The following PRDM16 variants were observed in gnomAD, a reference collection of about 807,000 sequenced individuals.
PRDM16 encodes PR/SET domain 16, also known as histone-lysine N-methyltransferase PRDM16.
A neutral mutation model predicts 110.6 loss-of-function variants in PRDM16; 23 were observed. The ratio of observed to expected loss-of-function variants is 0.21; its 90% confidence interval spans 0.15 to 0.29. PRDM16 has a LOEUF of 0.29. PRDM16 is among the 10% of genes least tolerant of loss of function. The pLI, the probability that PRDM16 is intolerant of heterozygous loss-of-function variation, is 1.00. For synonymous variants in PRDM16, 799 were observed against 781.8 expected, an observed-to-expected ratio of 1.02 and a Z score of -0.37; for missense variants, 1,615 against 1,794.3, an observed-to-expected ratio of 0.90 and a Z score of 1.81.
At chr1:3,272,787 C>T (rs968126574) in intron 3 of PRDM16, among the ~76,000 whole-genome samples, 1 of 152,286 alleles carries the variant, frequency 6.6e-6, no homozygotes, top group Non-Finnish European at 1.5e-5. Context: ...TGGGCGAGGC[C>T]GAGCCCATCT....
At position 3,173,364 on chromosome 1, in the gene PRDM16, C is replaced by T. The variant is rs1445120394; in HGVS notation, c.38-12761C>T. ...CGCCTGCCCGGGGCGATGGAGGCGG[C>T]GAGGAAATACAGGATGCGGGCTCTG... On this transcript the variant is annotated intron_variant, in intron 1 of 16. Transcript: ENST00000270722. Among the ~76,000 whole-genome samples the T allele has an allele frequency of 3.3e-5, 5 of 152,172 alleles. No individual in the cohort carries two copies. In the East Asian group the frequency reaches 5.8e-4, roughly 18 times the overall value.
intron 1 of PRDM16, among the ~76,000 whole-genome samples, chr1:3,156,752 GCAGTGGC>G (rs1643863177): frequency 6.6e-6 from 1 of 152,228 alleles, no homozygotes; most frequent in Non-Finnish European, 1.5e-5. Flanking sequence ...CCCGGCTCAA[GCAGTGGC>G]CACAGCTCAA....
chr1:3,388,933 G>A (rs547959415), intron 4 of PRDM16, among the ~76,000 whole-genome samples: 33 of 152,324 alleles, frequency 2.2e-4, no homozygotes, highest in South Asian at 1.7e-3. Flanking sequence ...GTGTACTGGC[G>A]CTCTAGCTGA....
chr1:3,341,037 C>G (rs370471455), intron 3 of PRDM16, among the ~76,000 whole-genome samples: 115 of 149,566 alleles, frequency 7.7e-4, no homozygotes, highest in African/African-American at 2.7e-3. Flanking sequence ...TGTCCAACCC[C>G]GCACGCTCCT....
chr1:3,300,647 ATTCTGCCGGTGTCTG>A (rs1226033537), intron 3 of PRDM16, among the ~76,000 whole-genome samples: 1 of 152,138 alleles, frequency 6.6e-6, no homozygotes. Flanking sequence ...GGGAAAATGG[ATTCTGCCGGTGTCTG>A]ACTCTACCAA....
rs558623036 is a variant in PRDM16, at chr1:3,347,984, G to T, written c.439-37168G>T. 3.9e-5 allele frequency among the ~76,000 whole-genome samples: 6 copies of T among 152,316 alleles called. No homozygotes were observed. In the South Asian group the frequency reaches 1.2e-3, roughly 32 times the overall value. ...AGTTCCGTGAGCCTCTGGACACGGG[G>T]CTGTGCATCTCGGTGGCTCAGTCTG... On this transcript the variant is annotated intron_variant, in intron 3 of 16. Coordinates refer to ENST00000270722, the MANE Select transcript of PRDM16 (RefSeq NM_022114.4).
intron 3 of PRDM16, among the ~76,000 whole-genome samples, chr1:3,298,757 T>TG (rs1349831214): frequency 6.6e-6 from 1 of 152,152 alleles, no homozygotes; most frequent in Non-Finnish European, 1.5e-5. Flanking sequence ...CTCCTAGAAA[T>TG]GCCAGTTCTG....
At chr1:3,177,252 T>C (rs1644101368) in intron 1 of PRDM16, among the ~76,000 whole-genome samples, 1 of 152,170 alleles carries the variant, frequency 6.6e-6, no homozygotes, top group South Asian at 2.1e-4. Flanking sequence ...TATTTATCTC[T>C]CCATCCATCT....
intron 1 of PRDM16, among the ~76,000 whole-genome samples, chr1:3,181,353 T>C (rs1361210625): frequency 1.4e-4 from 2 of 14,392 alleles, no homozygotes; most frequent in Non-Finnish European, 5.5e-4. Context: ...CACACGGTCT[T>C]ACACACGGTC....
intron 3 of PRDM16, among the ~76,000 whole-genome samples, chr1:3,262,790 G>C (rs1373082564): frequency 5.3e-5 from 8 of 152,228 alleles, no homozygotes; most frequent in Non-Finnish European, 1.0e-4. Flanking sequence ...GACGACACCT[G>C]CGGGGTGCTG....
At chr1:3,181,658 T>C (rs1346050834) in intron 1 of PRDM16, among the ~76,000 whole-genome samples, 2 of 112,414 alleles carry the variant, frequency 1.8e-5, no homozygotes, top group Non-Finnish European at 1.7e-5. Context: ...TTACACACGG[T>C]CTTACACAGT....
Position 3,080,645 on chromosome 1 carries a change from C to T in PRDM16, c.37+11349C>T, listed in dbSNP as rs901325239. ...ATCCATTTTGCAAAAACGGGAGGCC[C>T]GGGCCCCTAAGCTTGCAGCCTGAGA... On this transcript the variant is annotated intron_variant, in intron 1 of 16. Transcript: ENST00000270722. This position sits in a 1 kb window ranked among gnomAD's most constrained non-coding sequence, Gnocchi z 5.2. Among the ~76,000 whole-genome samples the T allele has an allele frequency of 1.1e-4, 17 of 152,206 alleles. No homozygotes were observed. Among genetic ancestry groups the T allele is most frequent in the African/African-American group, 2.6e-4 (11 of 41,526 alleles).
chr1:3,280,783 C>T (rs1041609829), intron 3 of PRDM16, among the ~76,000 whole-genome samples: 7 of 152,202 alleles, frequency 4.6e-5, no homozygotes, highest in South Asian at 2.1e-4. Flanking sequence ...CTAGACTGGC[C>T]GTCCCGGGCC....
chr1:3,224,213 C>T (rs1639234381), intron 2 of PRDM16, among the ~76,000 whole-genome samples: 1 of 152,174 alleles, frequency 6.6e-6, no homozygotes, highest in Non-Finnish European at 1.5e-5. Flanking sequence ...CCAGGGAACA[C>T]AATTAAATGC....
At chr1:3,304,450 C>T (rs1027308255) in intron 3 of PRDM16, among the ~76,000 whole-genome samples, 1 of 152,216 alleles carries the variant, frequency 6.6e-6, no homozygotes, top group Non-Finnish European at 1.5e-5. Flanking sequence ...AATGCCTGCC[C>T]CGTTTTATAC....
chr1:3,104,980 G>A (rs1432836464), intron 1 of PRDM16, among the ~76,000 whole-genome samples: 3 of 152,052 alleles, frequency 2.0e-5, no homozygotes, highest in African/African-American at 7.2e-5. Context: ...GAGGAGGCAG[G>A]ATGGACTGTT....
intron 1 of PRDM16, among the ~76,000 whole-genome samples, chr1:3,114,191 ACG>A (rs1553127266): frequency 2.3e-5 from 3 of 131,798 alleles, no homozygotes; most frequent in Non-Finnish European, 4.8e-5. Context: ...ACACGCACAC[ACG>A]CACACGCACG....
At chr1:3,086,221 A>C (rs1642147764) in intron 1 of PRDM16, among the ~76,000 whole-genome samples, 1 of 152,112 alleles carries the variant, frequency 6.6e-6, no homozygotes, top group Non-Finnish European at 1.5e-5. Flanking sequence ...TGAGGCCTTA[A>C]AAACCATAAG....
At chr1:3,211,888 G>T (rs766596079) in intron 2 of PRDM16, among the ~76,000 whole-genome samples, 1 of 152,248 alleles carries the variant, frequency 6.6e-6, no homozygotes, top group South Asian at 2.1e-4. Context: ...GTGGGAGCGG[G>T]TGTGTATCCG....
Sources: gnomAD v4.1 joint callset for allele counts (sites outside exome capture counted in the v4.1 genomes callset) on GRCh38, gnomAD v4.1.1 for gene constraint, Gnocchi (gnomAD v3.1) non-coding constraint, MANE v1.5 for transcripts, NCBI Gene and HGNC (gene_info 2026-07-23, HGNC 2026-07-21) for gene names.